The following ZNF469 variants were observed in gnomAD, a reference collection of about 807,000 sequenced individuals.
The protein encoded by ZNF469 is zinc finger protein 469.
A neutral mutation model predicts 1.0 loss-of-function variants in ZNF469; 1 was observed. The ratio of observed to expected loss-of-function variants is 1.00; its 90% confidence interval spans 0.35 to 4.73. The LOEUF (loss-of-function observed/expected upper bound fraction) is 4.73. ZNF469 is among the 30% of genes most tolerant of loss of function. ZNF469 has a pLI of 0.16. For missense variants in ZNF469, 6,100 were observed against 5,356.3 expected, an observed-to-expected ratio of 1.14 and a Z score of -4.33; for synonymous variants, 2,703 against 2,363.4, an observed-to-expected ratio of 1.14 and a Z score of -4.17.
At chr16:88,102,050 T>C in the ZNF469 span, among the ~76,000 whole-genome samples, 3 of 146,842 alleles carry the variant, frequency 2.0e-5, no homozygotes, top group East Asian at 2.1e-4. Context: ...AGAAGTGACA[T>C]TCACCCCCCC....
At position 88,439,279 on chromosome 16, in the gene ZNF469, G is replaced by C; in HGVS notation, c.11809G>C (p.Gly3937Arg). The part of the protein sequence containing the change: ...AQSDLLSQLF[G>R]QRLTGFKIPL... ...GAGTGACCTCCTCAGCCAGCTCTTC[G>C]GGCAGAGACTAACTGGCTTCAAAAT... Residue 3937 changes from glycine (G) to arginine (R), a missense_variant, in exon 3 of 3, where the codon GGG (glycine) becomes CGG (arginine). Physicochemically the swap from Gly to Arg is moderately radical, Grantham distance 125 (BLOSUM62 -2). Coordinates refer to ENST00000565624, the MANE Select transcript of ZNF469 (RefSeq NM_001367624.2). 1 of 1,550,442 alleles carries C rather than the reference G, an allele frequency of 6.4e-7. No individual in the cohort carries two copies. The highest frequency in any genetic ancestry group is 8.7e-7 in the Non-Finnish European group (1 of 1,146,996).
At chr16:88,252,679 A>T in the ZNF469 span, among the ~76,000 whole-genome samples, 1 of 152,270 alleles carries the variant, frequency 6.6e-6, no homozygotes, top group African/African-American at 2.4e-5. Flanking sequence ...TCATTTGAAT[A>T]AAGTATATAT....
the ZNF469 span, among the ~76,000 whole-genome samples, chr16:88,332,126 C>T: frequency 6.6e-6 from 1 of 152,218 alleles, no homozygotes; most frequent in African/African-American, 2.4e-5. Context: ...CTCTCCACCC[C>T]CTCCTTGGTG....
chr16:88,259,281 T>C, the ZNF469 span, among the ~76,000 whole-genome samples: 1 of 110,922 alleles, frequency 9.0e-6, no homozygotes, highest in South Asian at 3.3e-4. This position sits in a 1 kb window ranked among gnomAD's most constrained non-coding sequence, Gnocchi z 4.1. Flanking sequence ...GCCAGAGAGG[T>C]GTCCTCGGTG....
At chr16:88,355,213 G>T in the ZNF469 span, among the ~76,000 whole-genome samples, 1 of 152,208 alleles carries the variant, frequency 6.6e-6, no homozygotes, top group Admixed American at 6.5e-5. Context: ...AGAGTCCACT[G>T]TGCAGACAGC....
rs1455107839 is a variant in ZNF469, at chr16:88,439,895, C to T, written c.*563C>T. On this transcript the variant is annotated 3_prime_UTR_variant, in exon 3 of 3. Transcript: ENST00000565624. ...AGCACAACAGGCCTCCTCCCTCTGA[C>T]CACAGGGTCATGCCTCCTCCCTCTG... 4 of 179,192 alleles carry T rather than the reference C, an allele frequency of 2.2e-5. No homozygotes were observed. The highest frequency in any genetic ancestry group is 9.6e-5 in the African/African-American group (4 of 41,672). The allele number at this position is 179,192 out of a possible 1,614,324, so 11.1% of individuals were successfully genotyped here.
the ZNF469 span, among the ~76,000 whole-genome samples, chr16:88,333,179 T>G: frequency 1.3e-5 from 2 of 152,150 alleles, no homozygotes; most frequent in Admixed American, 6.5e-5. Context: ...GTGAGTCCCC[T>G]GCTTGATGCT....
At position 88,437,781 on chromosome 16, in the gene ZNF469, G is replaced by A; in HGVS notation, c.10311G>A (p.Met3437Ile). Residue 3437 changes from methionine to isoleucine, a missense_variant, in exon 3 of 3, where the codon ATG becomes ATA. Physicochemically the swap from Met to Ile is conservative, Grantham distance 10. Coordinates refer to ENST00000565624, the MANE Select transcript of ZNF469 (RefSeq NM_001367624.2). Reference protein sequence around the residue: ...FAKKEQFDRHMNKHLRGGRQP... With the variant: ...FAKKEQFDRHINKHLRGGRQP... ...AGAAGGAGCAGTTCGACCGCCACAT[G>A]AACAAGCACCTCAGGGGGGGGCGGC... 1 of 1,549,392 alleles carries A rather than the reference G, an allele frequency of 6.5e-7. No homozygotes were observed. The highest frequency in any genetic ancestry group is 8.7e-7 in the Non-Finnish European group (1 of 1,146,342).
chr16:88,135,027 A>G, the ZNF469 span, among the ~76,000 whole-genome samples: 12 of 152,254 alleles, frequency 7.9e-5, no homozygotes, highest in African/African-American at 2.9e-4. Context: ...GACAGGGGTC[A>G]GTCCACCCCC....
the ZNF469 span, among the ~76,000 whole-genome samples, chr16:88,372,482 T>G: frequency 6.8e-6 from 1 of 147,498 alleles, no homozygotes; most frequent in Non-Finnish European, 1.5e-5. Flanking sequence ...ATCACCATGA[T>G]TACCACCATC....
chr16:88,189,882 G>T, the ZNF469 span, among the ~76,000 whole-genome samples: 3 of 152,314 alleles, frequency 2.0e-5, no homozygotes, highest in South Asian at 6.2e-4. This position sits in a 1 kb window ranked among gnomAD's most constrained non-coding sequence, Gnocchi z 4.3. Context: ...TTGCACCACT[G>T]CACTCCAGCC....
chr16:88,185,611 TAC>T, the ZNF469 span, among the ~76,000 whole-genome samples: 3 of 146,988 alleles, frequency 2.0e-5, no homozygotes, highest in African/African-American at 2.6e-5. Flanking sequence ...TGCCCAGACC[TAC>T]AGACACACTC....
the ZNF469 span, among the ~76,000 whole-genome samples, chr16:88,225,079 T>C: frequency 2.0e-5 from 3 of 152,154 alleles, no homozygotes; most frequent in African/African-American, 7.2e-5. Flanking sequence ...CCCTGCCCCT[T>C]CCCCTCAGTG....
chr16:88,136,221 A>G, the ZNF469 span, among the ~76,000 whole-genome samples: 1 of 152,138 alleles, frequency 6.6e-6, no homozygotes, highest in Non-Finnish European at 1.5e-5. Context: ...GGAGGCTGTG[A>G]GGATAGAGCC....
the ZNF469 span, among the ~76,000 whole-genome samples, chr16:88,246,716 C>G: frequency 2.0e-5 from 3 of 152,174 alleles, no homozygotes. Context: ...GCAGGAGCAG[C>G]AAGGGCAAAG....
the ZNF469 span, among the ~76,000 whole-genome samples, chr16:88,110,616 G>C: frequency 2.8e-4 from 42 of 152,252 alleles, no homozygotes; most frequent in Non-Finnish European, 5.9e-4. Flanking sequence ...TCGGAGAGAT[G>C]TCCTCCCAGC....
the ZNF469 span, among the ~76,000 whole-genome samples, chr16:88,352,276 G>A: frequency 1.8e-3 from 268 of 152,292 alleles, no homozygotes; most frequent in South Asian, 4.1e-3. Context: ...TGGTGGCAGC[G>A]GTGAATTTTA....
the ZNF469 span, among the ~76,000 whole-genome samples, chr16:88,229,744 C>T: frequency 4.6e-5 from 7 of 152,032 alleles, no homozygotes; most frequent in African/African-American, 7.2e-5. Context: ...CATGCAGGAC[C>T]GCAGCTCCCT....
the ZNF469 span, among the ~76,000 whole-genome samples, chr16:88,121,072 G>C: frequency 1.3e-5 from 2 of 150,758 alleles, no homozygotes; most frequent in Non-Finnish European, 3.0e-5. Context: ...GTGCTGGTGG[G>C]TGCTGCATGA....
Sources: gnomAD v4.1 joint callset for allele counts (sites outside exome capture counted in the v4.1 genomes callset) on GRCh38, gnomAD v4.1.1 for gene constraint, Gnocchi (gnomAD v3.1) non-coding constraint, MANE v1.5 for transcripts, NCBI Gene and HGNC (gene_info 2026-07-23, HGNC 2026-07-21) for gene names.